Variants in CISD1 observed in about 807,000 individuals in gnomAD.
CISD1 encodes CDGSH iron sulfur domain 1.
In CISD1, 8 loss-of-function variants were observed where a neutral mutation model predicts 12.0. The ratio of observed to expected loss-of-function variants is 0.67; its 90% confidence interval spans 0.39 to 1.20. The LOEUF is 1.20. Among genes scored for constraint, CISD1 ranks in the 50% most tolerant of loss-of-function variants. CISD1 has a pLI of 0.01. For synonymous variants in CISD1, 38 were observed against 42.2 expected (o/e 0.90, Z 0.39); for missense variants, 107 against 132.7 (o/e 0.81, Z 0.95).
At chr10:58,281,505 A>G (rs182962116) in intron 2 of CISD1, among the ~76,000 whole-genome samples, 43 of 152,328 alleles carry the variant, frequency 2.8e-4, no homozygotes, top group African/African-American at 1.0e-3. Context: ...AATATTACCC[A>G]AGTTAACAAA....
At chr10:58,284,242 G>T (rs1839404538) in intron 2 of CISD1, among the ~76,000 whole-genome samples, 1 of 151,842 alleles carries the variant, frequency 6.6e-6, no homozygotes, top group African/African-American at 2.4e-5. Context: ...AGGCTGAGAT[G>T]GAAGGATCCC....
chr10:58,270,674 C>A (rs984973084), intron 1 of CISD1, among the ~76,000 whole-genome samples: 1 of 152,224 alleles, frequency 6.6e-6, no homozygotes, highest in Non-Finnish European at 1.5e-5. Flanking sequence ...TTAGGACTTA[C>A]CGCTATCTGC....
At chr10:58,270,905 C>G (rs1418649421) in intron 1 of CISD1, among the ~76,000 whole-genome samples, 1 of 152,094 alleles carries the variant, frequency 6.6e-6, no homozygotes, top group Non-Finnish European at 1.5e-5. Context: ...ACTCAGTGGC[C>G]CAAGCTGGAG....
At position 58,286,359 on chromosome 10, in the gene CISD1, G is replaced by A. The variant is rs540933997; in HGVS notation, c.238-1202G>A. ...TGCTTTTACATGTAGAATTTATTTTGATAAAGTTACGAATAAAGGTAATAA... is the reference window on the plus strand; with the variant it reads ...TGCTTTTACATGTAGAATTTATTTTAATAAAGTTACGAATAAAGGTAATAA... On this transcript the variant is annotated intron_variant, in intron 2 of 2. Transcript: ENST00000333926. Among the ~76,000 whole-genome samples, 35 of 152,234 alleles carry A rather than the reference G, an allele frequency of 2.3e-4. No individual in the cohort carries two copies. In the South Asian group the frequency reaches 7.1e-3, roughly 31 times the overall value.
At chr10:58,286,065 C>T (rs1420915410) in intron 2 of CISD1, among the ~76,000 whole-genome samples, 1 of 151,846 alleles carries the variant, frequency 6.6e-6, no homozygotes, top group African/African-American at 2.4e-5. Context: ...ATTAGCCGGG[C>T]GTAGTGGCGG....
chr10:58,287,395 A>ATCTTAC (rs1839440674), intron 2 of CISD1, among the ~76,000 whole-genome samples, 166 bp from the exon 3 acceptor site: 1 of 152,220 alleles, frequency 6.6e-6, no homozygotes, highest in Non-Finnish European at 1.5e-5. Context: ...CAATTTCTTC[A>ATCTTAC]TCTTACTAAG....
Position 58,288,456 on chromosome 10 carries a change from CTT to C in CISD1, c.*809_*810del, listed in dbSNP as rs1406987987. 1 of 152,160 alleles carries C rather than the reference CTT, an allele frequency of 6.6e-6. No homozygotes were observed. The highest frequency in any genetic ancestry group is 1.9e-4 in the East Asian group (1 of 5,332). The allele number at this position is 152,160 out of a possible 1,614,324, so 9.4% of individuals were successfully genotyped here. A position where few individuals can be genotyped will look rare whatever the true frequency, so the allele number is the denominator to read the frequency against. On this transcript the variant is annotated 3_prime_UTR_variant, in exon 3 of 3. Coordinates refer to ENST00000333926, the MANE Select transcript of CISD1 (RefSeq NM_018464.5). The stretch of plus-strand genomic sequence containing the variant: ...GGAATTGGAACATATAATGTCAAGT[CTT>C]TTGATCACTAAGCCACATATCCTGA...
intron 1 of CISD1, among the ~76,000 whole-genome samples, chr10:58,270,243 G>C (rs965893000): frequency 6.6e-6 from 1 of 152,136 alleles, no homozygotes; most frequent in African/African-American, 2.4e-5. Flanking sequence ...TTTTTTAATA[G>C]GTAGTTTCCA....
chr10:58,284,173 A>G (rs1438693782), intron 2 of CISD1, among the ~76,000 whole-genome samples: 5 of 152,116 alleles, frequency 3.3e-5, no homozygotes, highest in Admixed American at 3.3e-4. Flanking sequence ...TGTCTCCACA[A>G]AAAAATGCAG....
intron 1 of CISD1, among the ~76,000 whole-genome samples, chr10:58,271,072 C>T (rs1215399580): frequency 7.8e-6 from 1 of 128,330 alleles, no homozygotes; most frequent in African/African-American, 3.5e-5. Flanking sequence ...CGGAGTCTCG[C>T]TCTGTCGCCC....
At chr10:58,280,753 G>C (rs1350276197) in intron 2 of CISD1, among the ~76,000 whole-genome samples, 1 of 152,148 alleles carries the variant, frequency 6.6e-6, no homozygotes, top group East Asian at 1.9e-4. Context: ...GGGCCAGAGA[G>C]GTTAGAATAA....
At chr10:58,284,871 GATTTA>G (rs1839412434) in intron 2 of CISD1, among the ~76,000 whole-genome samples, 1 of 152,098 alleles carries the variant, frequency 6.6e-6, no homozygotes, top group South Asian at 2.1e-4. Flanking sequence ...TGCCTGCATG[GATTTA>G]ATTTATAGTG....
At chr10:58,280,850 A>G (rs1446732237) in intron 2 of CISD1, among the ~76,000 whole-genome samples, 1 of 152,238 alleles carries the variant, frequency 6.6e-6, no homozygotes, top group African/African-American at 2.4e-5. Flanking sequence ...AGACAGCTAC[A>G]TGAATAGACA....
chr10:58,286,419 A>G (rs1318862640), intron 2 of CISD1, among the ~76,000 whole-genome samples: 1 of 152,220 alleles, frequency 6.6e-6, no homozygotes, highest in Non-Finnish European at 1.5e-5. Context: ...ATGCTGAAGC[A>G]ACAGGATCTT....
intron 1 of CISD1, among the ~76,000 whole-genome samples, chr10:58,271,101 G>T (rs1162280370): frequency 1.4e-5 from 2 of 147,842 alleles, no homozygotes; most frequent in African/African-American, 2.6e-5. Flanking sequence ...GTGCAGTGGC[G>T]GGATCTCGGC....
At chr10:58,272,690 G>A (rs1352280060) in intron 1 of CISD1, among the ~76,000 whole-genome samples, 18 of 152,132 alleles carry the variant, frequency 1.2e-4, no homozygotes, top group African/African-American at 3.6e-4. Flanking sequence ...AGGCCAAGGC[G>A]GGCAGATCAT....
chr10:58,274,517 T>C (rs1839289966), intron 1 of CISD1, among the ~76,000 whole-genome samples: 1 of 149,526 alleles, frequency 6.7e-6, no homozygotes, highest in South Asian at 2.1e-4. Context: ...GAATTAGAAT[T>C]TGGGAAGGGA....
chr10:58,273,436 AGTT>A (rs1290667694), intron 1 of CISD1: 2 of 152,090 alleles, frequency 1.3e-5, no homozygotes, highest in Non-Finnish European at 2.9e-5. Flanking sequence ...ATTCTATGGC[AGTT>A]GATGGTGGGC....
intron 2 of CISD1, among the ~76,000 whole-genome samples, chr10:58,279,042 G>A (rs952105743): frequency 1.3e-5 from 2 of 152,208 alleles, no homozygotes; most frequent in South Asian, 4.1e-4. Context: ...GCAAGAAAAT[G>A]ATTGCTTATC....
Sources: allele counts gnomAD v4.1 joint callset (sites outside exome capture counted in the v4.1 genomes callset), GRCh38; gene constraint gnomAD v4.1.1; transcripts MANE v1.5; gene names NCBI Gene and HGNC (gene_info 2026-07-23, HGNC 2026-07-21).